Variants in CCSER1 observed in about 807,000 individuals in gnomAD.
CCSER1 encodes the protein serine-rich coiled-coil domain-containing protein 1.
In CCSER1, 41 loss-of-function variants were observed where a neutral mutation model predicts 82.0. The observed-to-expected ratio is 0.50, with a 90% CI of 0.39 to 0.65. The LOEUF (loss-of-function observed/expected upper bound fraction) is 0.65, where lower values mean the gene tolerates loss of function less well. CCSER1 is among the 30% of genes least tolerant of loss of function. The pLI is 0.00. For synonymous variants in CCSER1, 414 were observed against 383.9 expected, an observed-to-expected ratio of 1.08 and a Z score of -0.92; for missense variants, 1,119 against 1,064.2, an observed-to-expected ratio of 1.05 and a Z score of -0.72.
intron 9 of CCSER1, among the ~76,000 whole-genome samples, chr4:91,074,932 G>C (rs780934639): frequency 2.0e-5 from 3 of 151,968 alleles, no homozygotes; most frequent in Non-Finnish European, 4.4e-5. Flanking sequence ...TTTTCAATCA[G>C]AAAAAATAAA....
intron 8 of CCSER1, among the ~76,000 whole-genome samples, chr4:90,904,101 A>C (rs1217719920): frequency 6.6e-6 from 1 of 151,744 alleles, no homozygotes; most frequent in Non-Finnish European, 1.5e-5. Flanking sequence ...TGTTTCTTTG[A>C]CTCTTGGTCT....
chr4:90,762,343 C>G (rs1410538306), intron 7 of CCSER1, among the ~76,000 whole-genome samples: 1 of 152,088 alleles, frequency 6.6e-6, no homozygotes, highest in Non-Finnish European at 1.5e-5. Context: ...GCTTCCCAGC[C>G]CTGCTGAATT....
chr4:90,244,085 T>C (rs1720963412), intron 1 of CCSER1, among the ~76,000 whole-genome samples: 1 of 152,238 alleles, frequency 6.6e-6, no homozygotes, highest in South Asian at 2.1e-4. Flanking sequence ...TTATTTATCA[T>C]ACTTTTCCAA....
chr4:90,731,306 C>T (rs1228691960), intron 7 of CCSER1, among the ~76,000 whole-genome samples: 1 of 152,040 alleles, frequency 6.6e-6, no homozygotes, highest in Admixed American at 6.6e-5. Flanking sequence ...TTAGTAAAAT[C>T]TTATTTGTTT....
At position 90,804,038 on chromosome 4, in the gene CCSER1, T is replaced by C. The variant is rs190874776; in HGVS notation, c.2011-11724T>C. Among the ~76,000 whole-genome samples the C allele has an allele frequency of 4.4e-4, 67 of 152,330 alleles. 1 individual carries two copies. The East Asian group carries it at 0.011, about 26-fold the overall frequency. ...TTGAGAAATGTCTGTTCATATCCTTTGCCCACTTTTTGATGGGGTTGTTTG... is the reference window on the plus strand; with the variant it reads ...TTGAGAAATGTCTGTTCATATCCTTCGCCCACTTTTTGATGGGGTTGTTTG... On this transcript the variant is annotated intron_variant, in intron 7 of 10. Transcript: ENST00000509176.
At chr4:90,302,385 AT>A (rs753691353) in intron 1 of CCSER1, among the ~76,000 whole-genome samples, 1 of 152,202 alleles carries the variant, frequency 6.6e-6, no homozygotes. Context: ...AGTGTCAGGG[AT>A]GGCAACTTGG....
chr4:90,129,458 A>C (rs1722441159), intron 1 of CCSER1, among the ~76,000 whole-genome samples: 1 of 152,238 alleles, frequency 6.6e-6, no homozygotes, highest in Admixed American at 6.5e-5. Context: ...TAAAAGTAGC[A>C]ACCTGTACTT....
At chr4:90,173,800 A>G (rs1423703510) in intron 1 of CCSER1, among the ~76,000 whole-genome samples, 1 of 151,980 alleles carries the variant, frequency 6.6e-6, no homozygotes, top group Non-Finnish European at 1.5e-5. Context: ...TAGGTCACTT[A>G]AGAGTGGCTG....
intron 6 of CCSER1, among the ~76,000 whole-genome samples, chr4:90,712,435 T>C (rs2149330661): frequency 6.6e-6 from 1 of 152,148 alleles, no homozygotes; most frequent in East Asian, 1.9e-4. Flanking sequence ...TTCTGAATTT[T>C]GATGTAATTG....
rs184691027 is a variant in CCSER1 at position 91,570,859 on chromosome 4, A to C, written c.2218-27713A>C. Among the ~76,000 whole-genome samples, 173 of 152,282 alleles carry C rather than the reference A, an allele frequency of 1.1e-3. 1 individual carries two copies. Among genetic ancestry groups the C allele is most frequent in the African/African-American group, 4.0e-3 (165 of 41,564 alleles). The stretch of plus-strand genomic sequence containing the variant: ...CTCCAGGGGTATTGAATTTCTCCTC[A>C]GAAAATGGGTTTTTCTTTTCTATTG... On this transcript the variant is annotated intron_variant, in intron 10 of 10. Coordinates refer to ENST00000509176, the MANE Select transcript of CCSER1 (RefSeq NM_001145065.2).
At chr4:90,273,164 C>T (rs1214835470) in intron 1 of CCSER1, among the ~76,000 whole-genome samples, 4 of 151,886 alleles carry the variant, frequency 2.6e-5, no homozygotes, top group East Asian at 1.9e-4. Context: ...AAGATTAAAA[C>T]GTTTGTACTC....
At position 91,081,825 on chromosome 4, in the gene CCSER1, A is replaced by G. The variant is rs11947573; in HGVS notation, c.2173-4125A>G. 9.3e-3 allele frequency among the ~76,000 whole-genome samples: 1,422 copies of G among 152,316 alleles called. 18 individuals carry two copies. The highest frequency in any genetic ancestry group is 0.031 in the African/African-American group (1,289 of 41,564). ...ACTCCCATTCACAATTGCTTCCAAG[A>G]GAATAAAATACCTAGGAATCCAACT... On this transcript the variant is annotated intron_variant, in intron 9 of 10. Transcript: ENST00000509176.
intron 10 of CCSER1, among the ~76,000 whole-genome samples, chr4:91,415,586 T>C (rs1016241127): frequency 1.1e-4 from 16 of 152,166 alleles, no homozygotes; most frequent in Admixed American, 1.3e-4. Context: ...GTATGTTCCT[T>C]CAATACCAGT....
intron 10 of CCSER1, among the ~76,000 whole-genome samples, chr4:91,229,837 G>A (rs747946995): frequency 9.9e-5 from 15 of 152,040 alleles, no homozygotes; most frequent in Non-Finnish European, 2.1e-4. Flanking sequence ...CTTGTCGGGG[G>A]TTGAGGGGAA....
At chr4:91,126,318 AC>A (rs1271371034) in intron 10 of CCSER1, among the ~76,000 whole-genome samples, 4 of 151,886 alleles carry the variant, frequency 2.6e-5, no homozygotes, top group Non-Finnish European at 5.9e-5. Flanking sequence ...CATAACCTCA[AC>A]AAACAAGGCA....
chr4:90,951,940 ACG>A (rs1491076597), intron 9 of CCSER1, among the ~76,000 whole-genome samples: 4 of 151,254 alleles, frequency 2.6e-5, no homozygotes, highest in Admixed American at 1.3e-4. Flanking sequence ...TTAATTTTAC[ACG>A]CACACACATA....
chr4:90,196,910 T>C lies in CCSER1; in HGVS notation c.-42+69079T>C, dbSNP rs545204543. Among the ~76,000 whole-genome samples, 57 of 152,064 alleles carry C rather than the reference T, an allele frequency of 3.7e-4. 1 individual carries two copies. The highest frequency in any genetic ancestry group is 5.9e-4 in the Admixed American group (9 of 15,244). ...CATACATCAAGCCATCAGTTTTCCT[T>C]TGGACACCAGCTGGGTGTCCTAAAA... is the stretch of plus-strand genomic sequence containing the variant. On this transcript the variant is annotated intron_variant, in intron 1 of 10. Coordinates refer to ENST00000509176, the MANE Select transcript of CCSER1 (RefSeq NM_001145065.2).
rs147719496 is a variant in CCSER1 at position 90,562,536 on chromosome 4, T to A, written c.1725-65489T>A. 1.4e-3 allele frequency among the ~76,000 whole-genome samples: 207 copies of A among 152,110 alleles called. 1 individual carries two copies. The East Asian group carries it at 0.014, about 11-fold the overall frequency. ...AAATAAGACACAGATACATTTTATT[T>A]TTTATTTATTTATTTATTTGTGACA... is the stretch of plus-strand genomic sequence containing the variant. On this transcript the variant is annotated intron_variant, in intron 5 of 10. Coordinates refer to ENST00000509176, the MANE Select transcript of CCSER1 (RefSeq NM_001145065.2).
chr4:90,149,275 A>G (rs1205883861), intron 1 of CCSER1, among the ~76,000 whole-genome samples: 1 of 152,038 alleles, frequency 6.6e-6, no homozygotes, highest in Non-Finnish European at 1.5e-5. Context: ...GAAGGGGCCA[A>G]TCCATGCAGT....
Sources: allele counts gnomAD v4.1 joint callset (sites outside exome capture counted in the v4.1 genomes callset), GRCh38; gene constraint gnomAD v4.1.1; transcripts MANE v1.5; gene names NCBI Gene and HGNC (gene_info 2026-07-23, HGNC 2026-07-21).